CARD8: variants seen among roughly 807,000 people sequenced by gnomAD.
CARD8 encodes the protein caspase recruitment domain family member 8.
CARD8 carries 38 observed loss-of-function variants against 53.2 expected under a neutral mutation model. That is an observed-to-expected ratio of 0.71 (90% CI 0.55 to 0.94). The LOEUF (loss-of-function observed/expected upper bound fraction) is 0.94. Among genes scored for constraint, CARD8 ranks in the 40% least tolerant of loss-of-function variants. CARD8 has a pLI of 0.00. For missense variants in CARD8, 561 were observed against 655.5 expected, an observed-to-expected ratio of 0.86 and a Z score of 1.57; for synonymous variants, 245 against 244.9, an observed-to-expected ratio of 1.00 and a Z score of 0.00.
downstream of CARD8, among the ~76,000 whole-genome samples, chr19:48,207,732 C>CTGTGTTTTTTTTTT: frequency 1.1e-5 from 1 of 91,270 alleles, no homozygotes; most frequent in East Asian, 3.4e-4. Context: ...TGTTGTTTTT[C>CTGTGTTTTTTTTTT]TGTTTTTTTT....
chr19:48,249,195 T>C (rs1363732346), intron 3 of CARD8, among the ~76,000 whole-genome samples: 1 of 145,098 alleles, frequency 6.9e-6, no homozygotes, highest in African/African-American at 2.6e-5. Context: ...AGACTCCGTC[T>C]CAAAAAAAAA....
intron 3 of CARD8, among the ~76,000 whole-genome samples, chr19:48,248,655 G>A (rs772126681): frequency 5.3e-5 from 8 of 152,192 alleles, no homozygotes; most frequent in Non-Finnish European, 1.2e-4. Flanking sequence ...TGAAAACACA[G>A]CCGCTTTGGA....
intron 4 of CARD8, among the ~76,000 whole-genome samples, chr19:48,240,247 A>C (rs957500655): frequency 6.6e-6 from 1 of 152,188 alleles, no homozygotes; most frequent in Non-Finnish European, 1.5e-5. Context: ...AAACACACAG[A>C]GGGAGGGCTT....
At chr19:48,243,896 T>C (rs2146822144) in intron 3 of CARD8, among the ~76,000 whole-genome samples, 1 of 152,374 alleles carries the variant, frequency 6.6e-6, no homozygotes, top group South Asian at 2.1e-4. Context: ...TTAAAGAAGG[T>C]GTACATTATC....
At chr19:48,229,934 G>A (rs1018393548) in intron 10 of CARD8, among the ~76,000 whole-genome samples, 1 of 152,140 alleles carries the variant, frequency 6.6e-6, no homozygotes, top group African/African-American at 2.4e-5. Context: ...CCAACATGGT[G>A]AAACCCCGTC....
intron 10 of CARD8, among the ~76,000 whole-genome samples, chr19:48,225,753 A>G (rs2041639464): frequency 1.3e-5 from 2 of 151,902 alleles, no homozygotes; most frequent in African/African-American, 4.8e-5. Flanking sequence ...TTCTAGGGTC[A>G]CAAGAAGTCA....
Position 48,243,234 on chromosome 19 carries a change from C to T in CARD8, c.-43-2171G>A, listed in dbSNP as rs1019643897. ...TTCACCGTGTTAGCCAGGATGGTCT[C>T]GATCTCCTGACCTGGTGATCCTCCC... On this transcript the variant is annotated intron_variant, in intron 3 of 13. Coordinates refer to ENST00000651546, the MANE Select transcript of CARD8 (RefSeq NM_001184900.3). Among the ~76,000 whole-genome samples, 5 of 152,018 alleles carry T rather than the reference C, an allele frequency of 3.3e-5. 1 individual carries two copies. The highest frequency in any genetic ancestry group is 4.8e-5 in the African/African-American group (2 of 41,390).
intron 10 of CARD8, among the ~76,000 whole-genome samples, chr19:48,222,555 GGC>G (rs2040869109): frequency 1.3e-5 from 2 of 152,190 alleles, no homozygotes; most frequent in African/African-American, 4.8e-5. Flanking sequence ...CGGGCGTGGT[GGC>G]GGGCGCCTGT....
intron 12 of CARD8, among the ~76,000 whole-genome samples, chr19:48,217,742 T>C (rs564685864): frequency 6.6e-6 from 1 of 152,326 alleles, no homozygotes; most frequent in South Asian, 2.1e-4. Flanking sequence ...AAACAGAGCA[T>C]GGCATTTTAC....
intron 1 of CARD8, among the ~76,000 whole-genome samples, chr19:48,254,804 A>G (rs1237213998): frequency 1.3e-5 from 2 of 152,210 alleles, no homozygotes. Flanking sequence ...TGCATGCCTG[A>G]AGATGAAAAA....
intron 1 of CARD8, among the ~76,000 whole-genome samples, chr19:48,252,309 C>T (rs2047022286): frequency 6.6e-6 from 1 of 151,838 alleles, no homozygotes; most frequent in African/African-American, 2.4e-5. Flanking sequence ...GTTTTGAAGT[C>T]AATATAAATA....
intron 5 of CARD8, among the ~76,000 whole-genome samples, chr19:48,234,980 G>A (rs1017683742): frequency 2.6e-5 from 4 of 152,178 alleles, no homozygotes; most frequent in African/African-American, 9.7e-5. Context: ...TGGGATTGCA[G>A]GGCATTAGTG....
intron 3 of CARD8, among the ~76,000 whole-genome samples, chr19:48,243,543 T>C (rs1289736112): frequency 6.6e-6 from 1 of 152,218 alleles, no homozygotes. Context: ...AAAAATTTAA[T>C]TTAGCTATCC....
At chr19:48,232,011 A>G (rs1341565444) in intron 7 of CARD8, 2 of 670,384 alleles carry the variant, frequency 3.0e-6, no homozygotes, top group Non-Finnish European at 5.5e-6. Context: ...GACTAAACGT[A>G]TACACCAAAT....
chr19:48,207,613 T>A (rs889964227), downstream of CARD8, among the ~76,000 whole-genome samples: 5 of 151,984 alleles, frequency 3.3e-5, no homozygotes, highest in African/African-American at 4.8e-5. Context: ...TCACAAGGAG[T>A]TTTCTGTTTG....
intron 3 of CARD8, 44 bp from the exon 4 acceptor site, chr19:48,241,107 C>T: frequency 9.5e-7 from 1 of 1,049,488 alleles, no homozygotes; most frequent in Non-Finnish European, 1.4e-6. Flanking sequence ...TTGGGAAGAA[C>T]CATCAGATAA....
chr19:48,226,858 T>A (rs903742869), intron 10 of CARD8, among the ~76,000 whole-genome samples: 1 of 151,930 alleles, frequency 6.6e-6, no homozygotes, highest in Non-Finnish European at 1.5e-5. Context: ...GGCAGATCAC[T>A]TGAGGTCAAG....
At position 48,218,937 on chromosome 19, in the gene CARD8, G is replaced by T. The variant is rs2039939270; in HGVS notation, c.1237C>A (p.Pro413Thr). The change falls in exon 12 of 14, where the codon CCC becomes ACC. Residue 413 changes from proline (P) to threonine (T), a missense_variant. Coordinates refer to ENST00000651546, the MANE Select transcript of CARD8 (RefSeq NM_001184900.3). Reference protein sequence around the residue: ...SKFYAGQMKEPIQLEITEKRH... With the variant: ...SKFYAGQMKETIQLEITEKRH... ...TTTTCAGTAATCTCAAGTTGAATGG[G>T]TTCCTTCATCTGCCCAGCATAGAAT... The T allele has an allele frequency of 1.9e-6, 3 of 1,613,700 alleles. No homozygotes were observed. In the African/African-American group the frequency reaches 4.0e-5, roughly 22 times the overall value.
chr19:48,228,193 G>C (rs55777242), intron 10 of CARD8, among the ~76,000 whole-genome samples: 6,066 of 152,288 alleles, frequency 0.04, 392 homozygotes, highest in African/African-American at 0.13. Flanking sequence ...TGCAGAAAAA[G>C]AAGCTCAGGG....
Sources: gnomAD v4.1 joint callset for allele counts (sites outside exome capture counted in the v4.1 genomes callset) on GRCh38, gnomAD v4.1.1 for gene constraint, MANE v1.5 for transcripts, NCBI Gene and HGNC (gene_info 2026-07-23, HGNC 2026-07-21) for gene names.